AVEN: variants seen among roughly 807,000 people sequenced by gnomAD.
AVEN encodes the protein cell death regulator Aven.
AVEN carries 41 observed loss-of-function variants against 38.1 expected under a neutral mutation model. The ratio of observed to expected loss-of-function variants is 1.08; its 90% CI spans 0.84 to 1.40. The LOEUF is 1.40. Ranked by LOEUF, AVEN falls within the 40% of genes most tolerant of loss-of-function variation. AVEN has a pLI of 0.00. For missense variants in AVEN, 605 were observed against 438.8 expected (o/e 1.38, Z -3.38); for synonymous variants, 206 against 171.8 (o/e 1.20, Z -1.56).
chr15:33,853,640 C>A, the AVEN span: 2 of 1,613,898 alleles, frequency 1.2e-6, no homozygotes, highest in East Asian at 2.2e-5. Context: ...GACTTTAGCC[C>A]AGTAGAAGAG....
At chr15:33,912,004 T>C (rs920401446) in intron 2 of AVEN, among the ~76,000 whole-genome samples, 1 of 152,236 alleles carries the variant, frequency 6.6e-6, no homozygotes, top group Non-Finnish European at 1.5e-5. Flanking sequence ...AAGGAAGATT[T>C]GTGTCATCTA....
downstream of AVEN, among the ~76,000 whole-genome samples, chr15:33,864,408 G>C (rs1889701300): frequency 6.6e-6 from 1 of 151,230 alleles, no homozygotes; most frequent in Admixed American, 6.6e-5. Context: ...TACTGCTTCA[G>C]ACTAGAAGAG....
intron 2 of AVEN, among the ~76,000 whole-genome samples, chr15:33,882,702 AT>A (rs1302777489): frequency 6.6e-5 from 10 of 152,096 alleles, no homozygotes; most frequent in Non-Finnish European, 1.5e-4. Context: ...ACTCATCTCT[AT>A]TTAAAAAAAA....
At chr15:33,913,371 T>C (rs1307473375) in intron 2 of AVEN, among the ~76,000 whole-genome samples, 2 of 152,182 alleles carry the variant, frequency 1.3e-5, no homozygotes, top group East Asian at 1.9e-4. Flanking sequence ...ATTCTCAACA[T>C]TAAAATTCCT....
intron 5 of AVEN, among the ~76,000 whole-genome samples, chr15:34,051,877 A>T (rs1412086266): frequency 1.3e-5 from 2 of 152,034 alleles, no homozygotes; most frequent in African/African-American, 4.8e-5. Context: ...AGAAAAAAAA[A>T]ACCCAGGACC....
intron 11 of AVEN, among the ~76,000 whole-genome samples, chr15:33,860,099 G>A (rs935192432): frequency 6.6e-6 from 1 of 152,182 alleles, no homozygotes; most frequent in Non-Finnish European, 1.5e-5. Flanking sequence ...TGCAGGGGAG[G>A]GGAGGGAAAG....
chr15:33,990,666 G>C (rs925542417), intron 2 of AVEN: 7 of 152,196 alleles, frequency 4.6e-5, no homozygotes, highest in Non-Finnish European at 7.3e-5. Flanking sequence ...GGGGGCCTGG[G>C]ACCGGAAAGA....
chr15:33,868,137 G>C (rs535722020), intron 4 of AVEN, among the ~76,000 whole-genome samples: 3 of 152,304 alleles, frequency 2.0e-5, no homozygotes, highest in South Asian at 2.1e-4. Flanking sequence ...AAAGATCCAT[G>C]TCTTCCTAGC....
intron 1 of AVEN, among the ~76,000 whole-genome samples, chr15:34,022,613 G>A (rs1478512526): frequency 6.6e-6 from 1 of 152,162 alleles, no homozygotes; most frequent in Non-Finnish European, 1.5e-5. Flanking sequence ...TCTGCATGCT[G>A]GTAAAATTCC....
intron 2 of AVEN, among the ~76,000 whole-genome samples, chr15:33,935,580 T>C (rs1894028985): frequency 6.6e-6 from 1 of 152,162 alleles, no homozygotes; most frequent in African/African-American, 2.4e-5. Flanking sequence ...GAGATTTCTA[T>C]AAAGGTTATA....
intron 2 of AVEN, among the ~76,000 whole-genome samples, chr15:33,934,035 C>G (rs917818915): frequency 1.3e-5 from 2 of 152,106 alleles, no homozygotes; most frequent in South Asian, 2.1e-4. Context: ...GTTCTCATTG[C>G]TGAGGCTCAA....
downstream of AVEN, chr15:33,864,224 C>CGT (rs770233401): frequency 1.3e-6 from 2 of 1,535,574 alleles, no homozygotes; most frequent in African/African-American, 2.8e-5. Flanking sequence ...CGTGTTAGAT[C>CGT]TCCCTTTCCT....
intron 1 of AVEN, among the ~76,000 whole-genome samples, chr15:34,013,840 C>T (rs1897744829): frequency 6.6e-6 from 1 of 152,048 alleles, no homozygotes; most frequent in African/African-American, 2.4e-5. Context: ...TGTACGAGGA[C>T]CCATGAGCGA....
chr15:33,857,945 A>C (rs201003658), downstream of AVEN: 1 of 1,461,390 alleles, frequency 6.8e-7, no homozygotes, highest in Non-Finnish European at 9.3e-7. Flanking sequence ...GGGCCAGCCC[A>C]CCCACTGCGG....
chr15:33,922,842 G>A (rs932638800), intron 2 of AVEN, among the ~76,000 whole-genome samples: 2 of 152,110 alleles, frequency 1.3e-5, no homozygotes, highest in African/African-American at 4.8e-5. Flanking sequence ...TCTTTCTTGG[G>A]TGAGGAAGGG....
chr15:33,853,474 C>T, the AVEN span: 1 of 1,515,796 alleles, frequency 6.6e-7, no homozygotes, highest in Non-Finnish European at 8.9e-7. Context: ...CATAGGGCAG[C>T]AAAGCTCTGA....
chr15:34,073,627 T>A lies in AVEN; in HGVS notation n.720+809A>T, dbSNP rs181992177. ...CTTCCGCCTCCCGGGTTCAAGCAAT[T>A]CTCCTGCCTCAGCCTCCCGAGTAGC... On this transcript the variant is annotated intron_variant and non_coding_transcript_variant, in intron 1 of 11. Transcript: ENST00000675287. Among the ~76,000 whole-genome samples the A allele has an allele frequency of 1.2e-3, 180 of 151,302 alleles. 3 individuals are homozygous for A. Among genetic ancestry groups the A allele is most frequent in the Admixed American group, 0.011 (167 of 15,176 alleles).
intron 2 of AVEN, among the ~76,000 whole-genome samples, chr15:33,925,171 T>C (rs965710133): frequency 6.6e-6 from 1 of 152,228 alleles, no homozygotes; most frequent in African/African-American, 2.4e-5. Flanking sequence ...CAAGCCCCTG[T>C]ACCTTCCTCC....
downstream of AVEN, chr15:33,865,083 C>T (rs1201366321): frequency 6.7e-7 from 1 of 1,483,710 alleles, no homozygotes; most frequent in Non-Finnish European, 9.4e-7. Flanking sequence ...TGGGTTTTAG[C>T]TTTTACTGTG....
Sources: allele counts gnomAD v4.1 joint callset (sites outside exome capture counted in the v4.1 genomes callset), GRCh38; gene constraint gnomAD v4.1.1; transcripts MANE v1.5; gene names NCBI Gene and HGNC (gene_info 2026-07-23, HGNC 2026-07-21).